Variants in CCSER1 observed in about 807,000 individuals in gnomAD.
CCSER1 encodes serine-rich coiled-coil domain-containing protein 1.
In CCSER1, 41 loss-of-function variants were observed where a neutral mutation model predicts 82.0. That is an observed-to-expected ratio of 0.50 (90% CI 0.39 to 0.65). CCSER1 has a LOEUF of 0.65. CCSER1 is among the 30% of genes least tolerant of loss of function. The pLI, the probability that CCSER1 is intolerant of heterozygous loss-of-function variation, is 0.00. For missense variants in CCSER1, 1,119 were observed against 1,064.2 expected, an observed-to-expected ratio of 1.05 and a Z score of -0.72; for synonymous variants, 414 against 383.9, an observed-to-expected ratio of 1.08 and a Z score of -0.92.
At chr4:90,854,699 C>T (rs1764264502) in intron 8 of CCSER1, among the ~76,000 whole-genome samples, 1 of 151,736 alleles carries the variant, frequency 6.6e-6, no homozygotes, top group Non-Finnish European at 1.5e-5. Context: ...CTCTTTTTTT[C>T]CTAGCCTGAA....
rs1417290626 is a variant in CCSER1 at position 91,602,257 on chromosome 4, C to T, written c.*3200C>T. 1.3e-5 allele frequency among the ~76,000 whole-genome samples: 2 copies of T among 151,992 alleles called. No homozygotes were observed. The highest frequency in any genetic ancestry group is 4.8e-5 in the African/African-American group (2 of 41,428). On this transcript the variant is annotated 3_prime_UTR_variant, in exon 11 of 11. Coordinates refer to ENST00000509176, the MANE Select transcript of CCSER1 (RefSeq NM_001145065.2). ...ATCTGGGTTTATGATTTAATCCTAA[C>T]TCATTGTCATTATTTCCTGAATGTT...
chr4:90,260,221 AT>A (rs1724072529), intron 1 of CCSER1, among the ~76,000 whole-genome samples: 2 of 152,094 alleles, frequency 1.3e-5, no homozygotes, highest in Non-Finnish European at 2.9e-5. Flanking sequence ...GAATTTATCC[AT>A]TTCCTCTGGG....
chr4:90,792,834 C>G (rs1755456374), intron 7 of CCSER1, among the ~76,000 whole-genome samples: 1 of 152,140 alleles, frequency 6.6e-6, no homozygotes, highest in Non-Finnish European at 1.5e-5. Flanking sequence ...TCCAAGGGCT[C>G]TGGGGAATAG....
intron 10 of CCSER1, among the ~76,000 whole-genome samples, chr4:91,209,564 A>G (rs1736626586): frequency 6.6e-6 from 1 of 151,912 alleles, no homozygotes; most frequent in African/African-American, 2.4e-5. Context: ...GATAAAGCCT[A>G]CTTGATCATG....
chr4:91,517,503 G>A (rs189352248), intron 10 of CCSER1, among the ~76,000 whole-genome samples: 4 of 152,170 alleles, frequency 2.6e-5, no homozygotes, highest in African/African-American at 4.8e-5. Context: ...CAGCTGTTTT[G>A]TCTATCAGCT....
At chr4:90,342,809 C>A (rs992132933) in intron 3 of CCSER1, among the ~76,000 whole-genome samples, 2 of 151,872 alleles carry the variant, frequency 1.3e-5, no homozygotes, top group African/African-American at 4.8e-5. Flanking sequence ...GGACTTCATC[C>A]TCTTTCTCTT....
intron 8 of CCSER1, among the ~76,000 whole-genome samples, chr4:90,842,205 A>G (rs1177597613): frequency 1.3e-5 from 2 of 152,212 alleles, no homozygotes; most frequent in Non-Finnish European, 2.9e-5. Flanking sequence ...GCAAAAACAT[A>G]TATTTTCTTC....
intron 10 of CCSER1, among the ~76,000 whole-genome samples, chr4:91,345,724 T>A (rs1578232363): frequency 6.6e-6 from 1 of 152,280 alleles, no homozygotes; most frequent in South Asian, 2.1e-4. Flanking sequence ...GTTTATTCTT[T>A]GTGTTGTGCC....
chr4:90,202,891 A>G (rs931738398), intron 1 of CCSER1, among the ~76,000 whole-genome samples: 3 of 152,234 alleles, frequency 2.0e-5, no homozygotes, highest in African/African-American at 7.2e-5. Flanking sequence ...TAAATAGTAG[A>G]CACAGTACTT....
At chr4:90,823,267 A>T (rs1005520443) in intron 8 of CCSER1, among the ~76,000 whole-genome samples, 2 of 152,046 alleles carry the variant, frequency 1.3e-5, no homozygotes, top group Non-Finnish European at 2.9e-5. Flanking sequence ...ACACTTTAAA[A>T]TTTTTTTCAA....
At chr4:91,299,659 C>T (rs923022214) in intron 10 of CCSER1, among the ~76,000 whole-genome samples, 4 of 152,052 alleles carry the variant, frequency 2.6e-5, no homozygotes, top group Admixed American at 1.3e-4. Context: ...TATTTCCATA[C>T]TCTATGCATC....
At chr4:91,035,606 A>G (rs182187585) in intron 9 of CCSER1, among the ~76,000 whole-genome samples, 1 of 152,206 alleles carries the variant, frequency 6.6e-6, no homozygotes, top group Non-Finnish European at 1.5e-5. Context: ...ATTTTAAAAA[A>G]TTTTTACAAT....
At chr4:91,586,432 G>T (rs1244018762) in intron 10 of CCSER1, among the ~76,000 whole-genome samples, 2 of 151,624 alleles carry the variant, frequency 1.3e-5, no homozygotes, top group African/African-American at 4.8e-5. Flanking sequence ...AGTTGGAAAA[G>T]TGCCCAGCAA....
intron 10 of CCSER1, among the ~76,000 whole-genome samples, chr4:91,224,263 G>A (rs1737980450): frequency 1.3e-5 from 2 of 151,954 alleles, no homozygotes; most frequent in South Asian, 2.1e-4. Context: ...TATATTTAAC[G>A]AAATGGTAAT....
intron 4 of CCSER1, among the ~76,000 whole-genome samples, chr4:90,462,858 C>G (rs1004478658): frequency 3.3e-5 from 5 of 152,054 alleles, no homozygotes; most frequent in Non-Finnish European, 7.4e-5. Flanking sequence ...CACCACAACC[C>G]AAGTGCAAGA....
chr4:90,474,002 G>A (rs559316719), intron 5 of CCSER1, among the ~76,000 whole-genome samples: 23 of 152,268 alleles, frequency 1.5e-4, no homozygotes, highest in African/African-American at 3.1e-4. Context: ...TTAGCTGGGC[G>A]TGGTGGCGCA....
intron 9 of CCSER1, among the ~76,000 whole-genome samples, chr4:91,041,296 C>T (rs1369694638): frequency 6.6e-6 from 1 of 152,150 alleles, no homozygotes; most frequent in African/African-American, 2.4e-5. Flanking sequence ...GATGCTTTGT[C>T]TGTACTGTTC....
chr4:91,360,742 A>G (rs1749194854), intron 10 of CCSER1, among the ~76,000 whole-genome samples: 1 of 151,808 alleles, frequency 6.6e-6, no homozygotes, highest in Admixed American at 6.6e-5. Context: ...GAGAGAAAGG[A>G]TGCTACATTT....
At chr4:90,721,945 G>C (rs1742755000) in intron 6 of CCSER1, among the ~76,000 whole-genome samples, 1 of 150,950 alleles carries the variant, frequency 6.6e-6, no homozygotes, top group African/African-American at 2.4e-5. Context: ...AGATTGATTT[G>C]AAAATTATAG....
Sources: allele counts gnomAD v4.1 joint callset (sites outside exome capture counted in the v4.1 genomes callset), GRCh38; gene constraint gnomAD v4.1.1; transcripts MANE v1.5; gene names NCBI Gene and HGNC (gene_info 2026-07-23, HGNC 2026-07-21).